The following RRAS2 variants were observed in gnomAD, a reference collection of about 807,000 sequenced individuals.
RRAS2 encodes the protein ras-related protein R-Ras2.
Under a neutral mutation model 27.6 loss-of-function variants are expected in RRAS2, and 7 were observed. That is an observed-to-expected ratio of 0.25 (90% CI 0.14 to 0.48). The LOEUF (loss-of-function observed/expected upper bound fraction) is 0.48. RRAS2 is among the 20% of genes least tolerant of loss of function. The pLI, the probability that RRAS2 is intolerant of heterozygous loss-of-function variation, is 0.99. For missense variants in RRAS2, 178 were observed against 256.2 expected (o/e 0.69, Z 2.08); for synonymous variants, 86 against 90.9 (o/e 0.95, Z 0.31).
chr11:14,298,583 C>A (rs141120632), intron 1 of RRAS2, among the ~76,000 whole-genome samples: 7 of 152,306 alleles, frequency 4.6e-5, no homozygotes, highest in African/African-American at 1.7e-4. Context: ...TTTATTTCCA[C>A]TCATATTAAT....
chr11:14,302,073 T>TACACACACACATAC, intron 1 of RRAS2, among the ~76,000 whole-genome samples: 1 of 142,474 alleles, frequency 7.0e-6, no homozygotes, highest in South Asian at 2.3e-4. Context: ...ACCACACACA[T>TACACACACACATAC]ACACACACAC....
chr11:14,364,391 C>T (rs1000005268), exon 1 of RRAS2: 6 of 1,536,020 alleles, frequency 3.9e-6, no homozygotes, highest in Non-Finnish European at 5.2e-6. Context: ...CAATACTTAC[C>T]ATGGGTGATG....
intron 1 of RRAS2, among the ~76,000 whole-genome samples, chr11:14,325,066 T>C (rs562370995): frequency 2.0e-5 from 3 of 152,152 alleles, no homozygotes; most frequent in Non-Finnish European, 4.4e-5. Flanking sequence ...GCTATTCTAA[T>C]TGAGAAAATA....
intron 1 of RRAS2, among the ~76,000 whole-genome samples, chr11:14,327,860 C>G (rs984443632): frequency 6.6e-6 from 1 of 151,968 alleles, no homozygotes. Flanking sequence ...TCTTTCCATA[C>G]GGCAGGTAAT....
intron 1 of RRAS2, among the ~76,000 whole-genome samples, chr11:14,342,485 C>T (rs2134024753): frequency 6.6e-6 from 1 of 152,232 alleles, no homozygotes; most frequent in Admixed American, 6.5e-5. Context: ...ATGTATTTTT[C>T]ATAGGTACCT....
chr11:14,279,535 T>A, intron 5 of RRAS2, 111 bp from the exon 6 acceptor site: 2 of 818,134 alleles, frequency 2.4e-6, no homozygotes, highest in Non-Finnish European at 2.0e-6. Flanking sequence ...TTTTCAGTGT[T>A]AAACTTCAAC....
intron 1 of RRAS2, among the ~76,000 whole-genome samples, chr11:14,352,987 C>G (rs1848995931): frequency 6.6e-6 from 1 of 151,838 alleles, no homozygotes. Flanking sequence ...TTAGTAGAGA[C>G]AGGGTTTCAC....
intron 1 of RRAS2, among the ~76,000 whole-genome samples, chr11:14,332,266 C>T (rs1848495130): frequency 6.6e-6 from 1 of 152,132 alleles, no homozygotes; most frequent in Non-Finnish European, 1.5e-5. Flanking sequence ...TTGGAAACAA[C>T]CCAAATGTTC....
At chr11:14,323,811 G>T (rs1848282794) in intron 1 of RRAS2, among the ~76,000 whole-genome samples, 1 of 151,826 alleles carries the variant, frequency 6.6e-6, no homozygotes, top group African/African-American at 2.4e-5. Flanking sequence ...ACAGAATCCA[G>T]AATCCAACAG....
At chr11:14,356,346 A>G (rs1194227133) in intron 1 of RRAS2, among the ~76,000 whole-genome samples, 2 of 152,168 alleles carry the variant, frequency 1.3e-5, no homozygotes, top group East Asian at 3.8e-4. Flanking sequence ...AAGCCTACAT[A>G]ATGCTTTCAT....
chr11:14,344,274 C>A (rs1000836255), intron 1 of RRAS2, among the ~76,000 whole-genome samples: 2 of 152,122 alleles, frequency 1.3e-5, no homozygotes, highest in African/African-American at 4.8e-5. Flanking sequence ...ATCTGCAACT[C>A]GTCATTAAAT....
At chr11:14,343,292 G>A (rs1848756033) in intron 1 of RRAS2, among the ~76,000 whole-genome samples, 1 of 152,152 alleles carries the variant, frequency 6.6e-6, no homozygotes, top group Non-Finnish European at 1.5e-5. Flanking sequence ...AAAAATTACA[G>A]ACTAATAGTG....
At chr11:14,313,507 G>T (rs1449650362) in intron 1 of RRAS2, among the ~76,000 whole-genome samples, 1 of 152,188 alleles carries the variant, frequency 6.6e-6, no homozygotes, top group Non-Finnish European at 1.5e-5. Flanking sequence ...CTAATGCCTG[G>T]TACCTATGAA....
intron 1 of RRAS2, among the ~76,000 whole-genome samples, chr11:14,340,125 C>CT (rs1848672512): frequency 2.2e-5 from 3 of 135,510 alleles, no homozygotes; most frequent in African/African-American, 5.2e-5. Flanking sequence ...GCAACAGAGT[C>CT]TGTCCCTCTG....
In RRAS2 at chr11:14,358,704, G is replaced by A. The variant is rs1364883842; in HGVS notation, c.108+59C>T. On this transcript the variant is annotated intron_variant, in intron 1 of 5. Transcript: ENST00000256196. The surrounding 1 kb of genome is among the most constrained non-coding windows in gnomAD (Gnocchi z 5.1). ...GGTCGCGGCGGCCGCCCCGCCACAG[G>A]TAGCGCCAGCCCCCGCCCGCCGCCG... 4 of 1,118,152 alleles carry A rather than the reference G, an allele frequency of 3.6e-6. No homozygotes were observed. The highest frequency in any genetic ancestry group is 3.3e-6 in the Non-Finnish European group (3 of 915,366). The allele number at this position is 1,118,152 out of a possible 1,614,324, so 69.3% of individuals were successfully genotyped here.
intron 1 of RRAS2, among the ~76,000 whole-genome samples, chr11:14,350,784 G>A (rs1216880951): frequency 1.3e-5 from 2 of 152,206 alleles, no homozygotes; most frequent in South Asian, 2.1e-4. Context: ...GTCCTGAGCC[G>A]CATGCCACTC....
At chr11:14,320,732 G>T (rs574156602) in intron 1 of RRAS2, among the ~76,000 whole-genome samples, 93 of 152,200 alleles carry the variant, frequency 6.1e-4, no homozygotes, top group African/African-American at 2.2e-3. Context: ...AAATAGGATG[G>T]ATTGGTAAAA....
intron 1 of RRAS2, among the ~76,000 whole-genome samples, chr11:14,298,320 A>AT (rs1364559280): frequency 6.6e-6 from 1 of 152,194 alleles, no homozygotes; most frequent in African/African-American, 2.4e-5. Context: ...TGTTAAATAC[A>AT]TTTTTTACAA....
intron 4 of RRAS2, among the ~76,000 whole-genome samples, chr11:14,284,523 ATTG>A (rs1449521969): frequency 6.6e-6 from 1 of 152,158 alleles, no homozygotes; most frequent in African/African-American, 2.4e-5. Flanking sequence ...TGTGTTCAGT[ATTG>A]TTGTTCAAGT....
Sources: gnomAD v4.1 joint callset for allele counts (sites outside exome capture counted in the v4.1 genomes callset) on GRCh38, gnomAD v4.1.1 for gene constraint, Gnocchi (gnomAD v3.1) non-coding constraint, MANE v1.5 for transcripts, NCBI Gene and HGNC (gene_info 2026-07-23, HGNC 2026-07-21) for gene names.